The following ABL1 variants were observed in gnomAD, a reference collection of about 807,000 sequenced individuals.
The protein encoded by ABL1 is ABL proto-oncogene 1, non-receptor tyrosine kinase.
ABL1 carries 11 observed loss-of-function variants against 94.7 expected under a neutral mutation model. That is an observed-to-expected ratio of 0.12 (90% CI 0.07 to 0.19). The LOEUF (loss-of-function observed/expected upper bound fraction) is 0.19. Among genes scored for constraint, ABL1 ranks in the 10% least tolerant of loss-of-function variants. The pLI is 1.00. For synonymous variants in ABL1, 656 were observed against 622.4 expected (o/e 1.05, Z -0.80); for missense variants, 1,082 against 1,489.4 (o/e 0.73, Z 4.50).
At chr9:130,750,644 CT>C (rs71389345) in intron 1 of ABL1, among the ~76,000 whole-genome samples, 30 of 87,284 alleles carry the variant, frequency 3.4e-4, no homozygotes, top group Non-Finnish European at 4.8e-4. Flanking sequence ...CTTTTTCTTT[CT>C]TTTTTTTTTT....
At chr9:130,775,993 A>G (rs1832306326) in intron 1 of ABL1, among the ~76,000 whole-genome samples, 1 of 152,194 alleles carries the variant, frequency 6.6e-6, no homozygotes, top group South Asian at 2.1e-4. Flanking sequence ...TAGTAATGAG[A>G]GCATGATAAT....
In ABL1 at chr9:130,835,333, C is replaced by CT; in HGVS notation, c.-114_-113insT. The CT allele has an allele frequency of 1.4e-5, 2 of 143,852 alleles. 1 individual carries two copies. The highest frequency in any genetic ancestry group is 1.5e-5 in the Non-Finnish European group (2 of 130,888). The allele number at this position is 143,852 out of a possible 1,614,324, so 8.9% of individuals were successfully genotyped here. A position where few individuals can be genotyped will look rare whatever the true frequency, so the allele number is the denominator to read the frequency against. On this transcript the variant is annotated 5_prime_UTR_variant, in exon 1 of 11. Transcript: ENST00000318560. The surrounding 1 kb of genome is among the most constrained non-coding windows in gnomAD (Gnocchi z 4.6). Reference sequence around the variant, plus strand: ...CGGGCGCGCGGGGCGGCGGTGAGGGCGGCTGGCGGGGCCGGGGGCGCCGGG... The same window carrying CT: ...CGGGCGCGCGGGGCGGCGGTGAGGGCTGGCTGGCGGGGCCGGGGGCGCCGGG...
At chr9:130,811,321 C>G (rs1013089936) in intron 1 of ABL1, among the ~76,000 whole-genome samples, 2 of 151,904 alleles carry the variant, frequency 1.3e-5, no homozygotes, top group African/African-American at 4.8e-5. Flanking sequence ...AAAACTGGAG[C>G]TATAAAAATA....
chr9:130,792,522 G>A (rs1829923253), intron 1 of ABL1, among the ~76,000 whole-genome samples: 1 of 151,996 alleles, frequency 6.6e-6, no homozygotes, highest in Non-Finnish European at 1.5e-5. Context: ...CACACCAGGA[G>A]CCATGTCAGA....
chr9:130,769,172 T>C (rs143952530), intron 1 of ABL1, among the ~76,000 whole-genome samples: 1 of 152,300 alleles, frequency 6.6e-6, no homozygotes, highest in African/African-American at 2.4e-5. Flanking sequence ...CAATAACTTG[T>C]AACTATTATA....
chr9:130,775,702 CAAG>C (rs1361190270), intron 1 of ABL1, among the ~76,000 whole-genome samples: 1 of 151,100 alleles, frequency 6.6e-6, no homozygotes, highest in Middle Eastern at 3.4e-3. Flanking sequence ...TAGTGAAAAA[CAAG>C]AATCTTTAGA....
At chr9:130,807,229 A>G (rs566778871) in intron 1 of ABL1, among the ~76,000 whole-genome samples, 251 of 152,260 alleles carry the variant, frequency 1.6e-3, no homozygotes, top group African/African-American at 6.0e-3. Context: ...GTGGTCTTCA[A>G]ACTTTCCTGT....
In ABL1 at chr9:130,884,723, C is replaced by A; in HGVS notation, c.2433C>A (p.Pro811=). The A allele has an allele frequency of 1.2e-6, 2 of 1,612,614 alleles. No homozygotes were observed. Among genetic ancestry groups the A allele is most frequent in the Non-Finnish European group, 1.7e-6 (2 of 1,179,906 alleles). ...AGTCCAGCCCGGGCTCCAGCCCGCC[C>A]AACCTGACTCCAAAACCCCTCCGGC... ...IMESSPGSSP[P]NLTPKPLRRQ... is the part of the protein sequence containing the mutation. The change falls in exon 11 of 11, where the codon CCC becomes CCA. Residue 811 remains proline (P), a synonymous_variant. Coordinates refer to ENST00000318560, the MANE Select transcript of ABL1 (RefSeq NM_005157.6). The surrounding 1 kb of genome is among the most constrained non-coding windows in gnomAD (Gnocchi z 5.6).
At chr9:130,855,743 A>C (rs189484646) in intron 3 of ABL1, among the ~76,000 whole-genome samples, 1 of 152,190 alleles carries the variant, frequency 6.6e-6, no homozygotes, top group Non-Finnish European at 1.5e-5. Context: ...TGACTGAGGT[A>C]TTGCTATAAT....
chr9:130,759,407 G>A (rs561637746), intron 1 of ABL1, among the ~76,000 whole-genome samples: 5 of 152,288 alleles, frequency 3.3e-5, no homozygotes, highest in South Asian at 2.1e-4. Flanking sequence ...GGCCAAATGC[G>A]TTGTTGATGT....
chr9:130,879,290 C>T (rs769043188), intron 8 of ABL1, among the ~76,000 whole-genome samples: 14 of 152,108 alleles, frequency 9.2e-5, no homozygotes, highest in Non-Finnish European at 2.1e-4. Context: ...CCATTTCTTA[C>T]ACTGTTTTCC....
chr9:130,788,934 C>T (rs1829866664), intron 1 of ABL1, among the ~76,000 whole-genome samples: 2 of 152,126 alleles, frequency 1.3e-5, no homozygotes, highest in Admixed American at 1.3e-4. Flanking sequence ...CTGTCTGGTT[C>T]CTTCATTGGA....
At chr9:130,716,461 T>G (rs1328608300) in intron 1 of ABL1, among the ~76,000 whole-genome samples, 1 of 152,170 alleles carries the variant, frequency 6.6e-6, no homozygotes, top group Non-Finnish European at 1.5e-5. Context: ...ATTTTGACCC[T>G]TGTGTATGTC....
intron 1 of ABL1, among the ~76,000 whole-genome samples, chr9:130,823,011 G>A (rs1051941342): frequency 6.6e-6 from 1 of 151,836 alleles, no homozygotes; most frequent in Non-Finnish European, 1.5e-5. Context: ...TTGGCCAGAC[G>A]GGTCTCAAAC....
In ABL1 at chr9:130,758,224, G is replaced by A. The variant is rs566259777; in HGVS notation, c.136+43769G>A. On this transcript the variant is annotated intron_variant, in intron 1 of 10. Coordinates refer to the ABL1 transcript ENST00000372348. Reference sequence around the variant, plus strand: ...CACCCAAGTTGGAGTGCAGTGGTGCGATCTTGGCTCACTGCAACCTCCACC... The same window carrying A: ...CACCCAAGTTGGAGTGCAGTGGTGCAATCTTGGCTCACTGCAACCTCCACC... Among the ~76,000 whole-genome samples, 9 of 151,534 alleles carry A rather than the reference G, an allele frequency of 5.9e-5. No individual in the cohort carries two copies. In the East Asian group the frequency reaches 1.4e-3, roughly 23 times the overall value.
chr9:130,854,598 C>T (rs191814017), intron 2 of ABL1, among the ~76,000 whole-genome samples: 53 of 152,268 alleles, frequency 3.5e-4, no homozygotes, highest in African/African-American at 1.3e-3. Flanking sequence ...ATACACTTAC[C>T]TATCTGTTCA....
chr9:130,717,564 T>C (rs1373793798), intron 1 of ABL1, among the ~76,000 whole-genome samples: 1 of 148,738 alleles, frequency 6.7e-6, no homozygotes. Context: ...TTAGCCAAGC[T>C]CCCACTGGAG....
chr9:130,842,305 C>A (rs555772152), intron 1 of ABL1, among the ~76,000 whole-genome samples: 44 of 152,284 alleles, frequency 2.9e-4, no homozygotes, highest in South Asian at 1.9e-3. Context: ...GGATTCAGTG[C>A]AGATGAAGTG....
chr9:130,773,442 T>C (rs983042467), intron 1 of ABL1, among the ~76,000 whole-genome samples: 1 of 152,142 alleles, frequency 6.6e-6, no homozygotes, highest in Non-Finnish European at 1.5e-5. Context: ...AGATGCTTTT[T>C]TCCCCCAATG....
Sources: allele counts gnomAD v4.1 joint callset (sites outside exome capture counted in the v4.1 genomes callset), GRCh38; gene constraint gnomAD v4.1.1; non-coding constraint Gnocchi (gnomAD v3.1); transcripts MANE v1.5; gene names NCBI Gene and HGNC (gene_info 2026-07-23, HGNC 2026-07-21).